CLCN6: variants seen among roughly 807,000 people sequenced by gnomAD.
The protein encoded by CLCN6 is Cl-/H+ antiporter 6.
CLCN6 carries 70 observed loss-of-function variants against 109.8 expected under a neutral mutation model. The observed-to-expected ratio is 0.64, with a 90% CI of 0.53 to 0.78. CLCN6 has a LOEUF of 0.78. Among genes scored for constraint, CLCN6 ranks in the 30% least tolerant of loss-of-function variants. CLCN6 has a pLI of 0.00. For synonymous variants in CLCN6, 444 were observed against 447.8 expected, an observed-to-expected ratio of 0.99 and a Z score of 0.11; for missense variants, 984 against 1,142.3, an observed-to-expected ratio of 0.86 and a Z score of 2.00.
At position 11,837,292 on chromosome 1, in the gene CLCN6, A is replaced by T. The variant is rs1570542541; in HGVS notation, c.2139-51A>T. On this transcript the variant is annotated intron_variant, in intron 19 of 22. Transcript: ENST00000346436. ...GGAGCGGGCTGGGAACATGGATCAG[A>T]AGCGCTCCCGCTGAGGGTATCCCAG... 1.9e-6 allele frequency: 3 copies of T among 1,593,510 alleles called. No individual in the cohort carries two copies. In the East Asian group the frequency reaches 6.7e-5, roughly 36 times the overall value.
chr1:11,806,824 C>T (rs1190646530), intron 1 of CLCN6: 2 of 401,124 alleles, frequency 5.0e-6, no homozygotes, highest in Admixed American at 4.2e-5. Flanking sequence ...ATTTCAGATA[C>T]GTCACACTGT....
intron 3 of CLCN6, 76 bp from the exon 4 acceptor site, chr1:11,816,539 G>T: frequency 5.1e-6 from 7 of 1,359,408 alleles, no homozygotes; most frequent in Admixed American, 2.0e-5. Flanking sequence ...GCTTAAAACT[G>T]GTTGGCCAAG....
chr1:11,819,852 A>G (rs760898229), intron 5 of CLCN6, among the ~76,000 whole-genome samples: 1 of 152,220 alleles, frequency 6.6e-6, no homozygotes, highest in Non-Finnish European at 1.5e-5. Flanking sequence ...TGGAACTCAG[A>G]AATTCTTTGT....
chr1:11,832,858 A>G (rs943403499), intron 13 of CLCN6, among the ~76,000 whole-genome samples: 2 of 152,244 alleles, frequency 1.3e-5, no homozygotes, highest in Non-Finnish European at 1.5e-5. Flanking sequence ...TGATGGCAAG[A>G]AAATGAGGTC....
In CLCN6 at chr1:11,833,574, T is replaced by C; in HGVS notation, c.1308T>C (p.Asn436=). The change falls in exon 14 of 23, where the codon AAT becomes AAC. Residue 436 remains asparagine (N), a synonymous_variant. Transcript: ENST00000346436. ...TTTTTTGTCCCAATGATACCTACAA[T>C]GACATGGCCACACTCTTCTTCAACC... ...KTFFCPNDTY[N]DMATLFFNPQ... 1 of 1,614,012 alleles carries C rather than the reference T, an allele frequency of 6.2e-7. No individual in the cohort carries two copies.
intron 4 of CLCN6, among the ~76,000 whole-genome samples, chr1:11,818,810 C>T (rs1419445169): frequency 1.3e-5 from 2 of 152,144 alleles, no homozygotes; most frequent in African/African-American, 2.4e-5. Flanking sequence ...GTGGGGTGTG[C>T]CTGTAATCCC....
chr1:11,835,947 G>A lies in CLCN6; in HGVS notation c.1794-20G>A. 1 of 1,607,416 alleles carries A rather than the reference G, an allele frequency of 6.2e-7. No individual in the cohort carries two copies. The highest frequency in any genetic ancestry group is 8.5e-7 in the Non-Finnish European group (1 of 1,176,558). ...TGCGGGCACTGTCATGAGGCTGGATGACTTGCCCTCCTCCCCCAGGCTGAG... is the reference window on the plus strand; with the variant it reads ...TGCGGGCACTGTCATGAGGCTGGATAACTTGCCCTCCTCCCCCAGGCTGAG... On this transcript the variant is annotated intron_variant, in intron 17 of 22. Transcript: ENST00000346436.
At position 11,840,196 on chromosome 1, in the gene CLCN6, G is replaced by C; in HGVS notation, c.2583G>C (p.Arg861=). The C allele has an allele frequency of 6.2e-7, 1 of 1,613,414 alleles. No homozygotes were observed. The highest frequency in any genetic ancestry group is 8.5e-7 in the Non-Finnish European group (1 of 1,180,022). Residue 861 remains arginine (R), a synonymous_variant, in exon 23 of 23, where the codon CGG becomes CGC. Coordinates refer to ENST00000346436, the MANE Select transcript of CLCN6 (RefSeq NM_001286.5). ...HNLTYEFLQA[R]LRQHYQTI is the part of the protein sequence containing the mutation. ...TCACCTATGAATTTCTGCAGGCCCG[G>C]CTGAGGCAGCACTACCAGACCATCT...
At chr1:11,807,092 C>T in intron 1 of CLCN6, 39 bp from the exon 2 acceptor site, 1 of 1,583,120 alleles carries the variant, frequency 6.3e-7, no homozygotes, top group Non-Finnish European at 8.7e-7. Flanking sequence ...CCACTCCTAA[C>T]CACTAAAAAA....
chr1:11,820,451 A>G (rs897974474), intron 5 of CLCN6: 1 of 708,948 alleles, frequency 1.4e-6, no homozygotes, highest in African/African-American at 1.8e-5. Context: ...TTAAAACTCC[A>G]GAAGGCACAG....
At chr1:11,810,575 T>C (rs1644585596) in intron 2 of CLCN6, among the ~76,000 whole-genome samples, 1 of 152,216 alleles carries the variant, frequency 6.6e-6, no homozygotes, top group South Asian at 2.1e-4. Context: ...CGTAACCCCC[T>C]GTAACAGCCC....
chr1:11,815,769 C>T (rs970072058), intron 2 of CLCN6, 77 bp from the exon 3 acceptor site: 10 of 1,100,246 alleles, frequency 9.1e-6, no homozygotes, highest in Non-Finnish European at 1.4e-5. Context: ...CGTTGAGTAG[C>T]AGGAACCCAG....
At chr1:11,833,429 C>T in intron 13 of CLCN6, 86 bp from the exon 14 acceptor site, 2 of 1,373,748 alleles carry the variant, frequency 1.5e-6, no homozygotes, top group Non-Finnish European at 2.0e-6. Flanking sequence ...TGTGCAGCCA[C>T]CTGTTTTGGA....
At chr1:11,836,767 G>T (rs934526953) in intron 18 of CLCN6, among the ~76,000 whole-genome samples, 1 of 152,206 alleles carries the variant, frequency 6.6e-6, no homozygotes, top group African/African-American at 2.4e-5. Context: ...CCCCTCTGGA[G>T]AATCAAGCTG....
At chr1:11,831,014 G>A (rs1644877751) in intron 13 of CLCN6, among the ~76,000 whole-genome samples, 1 of 150,974 alleles carries the variant, frequency 6.6e-6, no homozygotes, top group Non-Finnish European at 1.5e-5. Context: ...TGTATTTTTA[G>A]TAGAGATGGT....
Position 11,834,447 on chromosome 1 carries a change from A to G in CLCN6, c.1687-37A>G. On this transcript the variant is annotated intron_variant, in intron 16 of 22. Coordinates refer to ENST00000346436, the MANE Select transcript of CLCN6 (RefSeq NM_001286.5). The surrounding 1 kb of genome is among the most constrained non-coding windows in gnomAD (Gnocchi z 4.5). ...TCAGGCTCAGGGCCACGTCCGCCCC[A>G]CAGGACCTATTTTTAGGTCTTTGCT... 1.9e-6 allele frequency: 3 copies of G among 1,613,658 alleles called. No individual in the cohort carries two copies. The highest frequency in any genetic ancestry group is 1.7e-6 in the Non-Finnish European group (2 of 1,179,630).
chr1:11,827,430 C>CATTTTTTTTTTTTTTTTTTT, intron 10 of CLCN6, among the ~76,000 whole-genome samples: 1 of 105,020 alleles, frequency 9.5e-6, no homozygotes, highest in Non-Finnish European at 1.9e-5. Context: ...ACCGCTGTTA[C>CATTTTTTTTTTTTTTTTTTT]TTTTTTTTTT....
At position 11,827,078 on chromosome 1, in the gene CLCN6, CCT is replaced by C; in HGVS notation, c.708-7_708-6del. 1 of 1,613,334 alleles carries C rather than the reference CCT, an allele frequency of 6.2e-7. No homozygotes were observed. The highest frequency in any genetic ancestry group is 8.5e-7 in the Non-Finnish European group (1 of 1,179,680). ...TCTTTATTGGATAACCCGTCTCTCT[CCT>C]CTCCTCAGAGACAAGAGAGACTTTG... On this transcript the variant is annotated splice_polypyrimidine_tract_variant and intron_variant, in intron 9 of 22. Coordinates refer to ENST00000346436, the MANE Select transcript of CLCN6 (RefSeq NM_001286.5).
intron 17 of CLCN6, among the ~76,000 whole-genome samples, chr1:11,835,543 G>A (rs1484206606): frequency 2.0e-5 from 3 of 152,174 alleles, no homozygotes; most frequent in Non-Finnish European, 2.9e-5. Flanking sequence ...CCAAAGTGCT[G>A]GGATTACATG....
Sources: gnomAD v4.1 joint callset for allele counts (sites outside exome capture counted in the v4.1 genomes callset) on GRCh38, gnomAD v4.1.1 for gene constraint, Gnocchi (gnomAD v3.1) non-coding constraint, MANE v1.5 for transcripts, NCBI Gene and HGNC (gene_info 2026-07-23, HGNC 2026-07-21) for gene names.